Variants in TFR2 observed in about 807,000 individuals in gnomAD.
TFR2 encodes the protein transferrin receptor 2.
TFR2 carries 64 observed loss-of-function variants against 91.9 expected under a neutral mutation model. The observed-to-expected ratio is 0.70, with a 90% confidence interval of 0.57 to 0.86. TFR2 has a LOEUF of 0.86. TFR2 is among the 40% of genes least tolerant of loss of function. The pLI is 0.00. For missense variants in TFR2, 950 were observed against 1,080.5 expected (o/e 0.88, Z 1.69); for synonymous variants, 454 against 459.6 (o/e 0.99, Z 0.15).
rs1408272871 is a variant in TFR2 at position 100,626,889 on chromosome 7, G to C, written c.2010C>G (p.Thr670=). The C allele has an allele frequency of 1.3e-6, 2 of 1,543,120 alleles. No homozygotes were observed. Among genetic ancestry groups the C allele is most frequent in the South Asian group, 1.2e-5 (1 of 83,988 alleles). Residue 670 remains threonine, a synonymous_variant, in exon 17 of 18, where the codon ACC becomes ACG. Coordinates refer to ENST00000223051, the MANE Select transcript of TFR2 (RefSeq NM_003227.4). ...FSGDLKARGL[T]LQWVYSARGD... ...CCCGCGCCGAGTACACCCACTGCAG[G>C]GTCAGCCCGCGGGCCTGGGGTGGGG...
intron 10 of TFR2, 141 bp downstream of exon 10, chr7:100,629,112 G>A (rs1803354768): frequency 3.5e-6 from 4 of 1,130,512 alleles, no homozygotes; most frequent in South Asian, 2.5e-5. Context: ...CTGGCCCAGG[G>A]CCACTCAGGT....
At chr7:100,636,028 G>A (rs1803565982) in intron 3 of TFR2, among the ~76,000 whole-genome samples, 2 of 152,138 alleles carry the variant, frequency 1.3e-5, no homozygotes, top group Admixed American at 6.6e-5. Context: ...GACTGTTTTA[G>A]TCTCTATCTC....
intron 13 of TFR2, 41 bp from the exon 14 acceptor site, chr7:100,627,861 C>T: frequency 6.2e-7 from 1 of 1,614,100 alleles, no homozygotes; most frequent in South Asian, 1.1e-5. Context: ...TCTGCTCCTC[C>T]CCGCAACCTA....
At chr7:100,641,290 G>C (rs1032310005) in intron 1 of TFR2, 62 bp from the exon 2 acceptor site, 1 of 1,311,816 alleles carries the variant, frequency 7.6e-7, no homozygotes, top group Non-Finnish European at 1.0e-6. Context: ...GAGGCATCTG[G>C]CAATAATGAG....
In TFR2 at chr7:100,633,129, G is replaced by A. The variant is rs752480106; in HGVS notation, c.727-6C>T. 16 of 1,613,222 alleles carry A rather than the reference G, an allele frequency of 9.9e-6. No individual in the cohort carries two copies. Among genetic ancestry groups the A allele is most frequent in the Middle Eastern group, 3.3e-4 (2 of 6,084 alleles). ...TGGGCGTACACCAGCTCTCCCTGGG[G>A]ACACGAGGACGGTGAGGCGCGCTCC... On this transcript the variant is annotated splice_region_variant and splice_polypyrimidine_tract_variant and intron_variant, in intron 5 of 17. Coordinates refer to ENST00000223051, the MANE Select transcript of TFR2 (RefSeq NM_003227.4).
chr7:100,623,769 GC>G (rs1803176471), intron 17 of TFR2, among the ~76,000 whole-genome samples: 1 of 151,432 alleles, frequency 6.6e-6, no homozygotes, highest in Admixed American at 6.6e-5. Context: ...AAAACTCCCA[GC>G]CGGGCGCAGT....
At position 100,641,502 on chromosome 7, in the gene TFR2, C is replaced by A; in HGVS notation, c.8G>T (p.Arg3Leu). 6.2e-7 allele frequency: 1 copy of A among 1,613,836 alleles called. No homozygotes were observed. Among genetic ancestry groups the A allele is most frequent in the Non-Finnish European group, 8.5e-7 (1 of 1,179,904 alleles). ...CGCTCTCTGGAATAGACCCCAAAGC[C>A]GCTCCATGCTTGTGTCCCCTCCTGA... ME[R>L]LWGLFQRAQQ... Residue 3 changes from arginine to leucine, a missense_variant, in exon 1 of 18, where the codon CGG (arginine) becomes CTG (leucine). Transcript: ENST00000223051.
At chr7:100,626,389 C>T in intron 17 of TFR2, 12 of 915,622 alleles carry the variant, frequency 1.3e-5, no homozygotes, top group Non-Finnish European at 1.6e-5. Context: ...CAGCCTGTAA[C>T]CTCGTATTGT....
chr7:100,628,204 T>G lies in TFR2; in HGVS notation c.1473+20A>C. ...CACCTCTCCCCAATGCCTAACGACC[T>G]GCCCGGGACCCCGTATCACCTCTAG... On this transcript the variant is annotated intron_variant, in intron 11 of 17. Transcript: ENST00000223051. The G allele has an allele frequency of 8.2e-7, 1 of 1,220,554 alleles. No homozygotes were observed. Among genetic ancestry groups the G allele is most frequent in the Non-Finnish European group, 1.2e-6 (1 of 863,280 alleles). The allele number at this position is 1,220,554 out of a possible 1,614,324, so 75.6% of individuals were successfully genotyped here. A position where few individuals can be genotyped will look rare whatever the true frequency, so the allele number is the denominator to read the frequency against.
At chr7:100,631,642 G>T in intron 8 of TFR2, 164 bp downstream of exon 8, 1 of 908,110 alleles carries the variant, frequency 1.1e-6, no homozygotes, top group Non-Finnish European at 1.6e-6. Flanking sequence ...AAAAAGGTCA[G>T]GGTCTCTCTG....
intron 17 of TFR2, among the ~76,000 whole-genome samples, chr7:100,623,203 G>T (rs1190753447): frequency 6.6e-6 from 1 of 152,158 alleles, no homozygotes; most frequent in African/African-American, 2.4e-5. Context: ...AACCCGGGAG[G>T]CGGAGGTTGC....
rs763348482 is a variant in TFR2, at chr7:100,629,406, A to ACTGCACC, written c.1271-41_1271-35dup. 30 of 1,612,400 alleles carry ACTGCACC rather than the reference A, an allele frequency of 1.9e-5. No individual in the cohort carries two copies. In the African/African-American group the frequency reaches 2.9e-4, roughly 16 times the overall value. On this transcript the variant is annotated intron_variant, in intron 9 of 17. Coordinates refer to ENST00000223051, the MANE Select transcript of TFR2 (RefSeq NM_003227.4). ...GGGATGTTTGGGACCCACTTCTGAC[A>ACTGCACC]CTGCACCCTGCACCCTGGGGGCATC...
Position 100,641,109 on chromosome 7 carries a change from G to A in TFR2, c.153C>T (p.Phe51=), listed in dbSNP as rs747497732. 1 of 1,591,156 alleles carries A rather than the reference G, an allele frequency of 6.3e-7. No homozygotes were observed. The highest frequency in any genetic ancestry group is 8.6e-7 in the Non-Finnish European group (1 of 1,168,568). Residue 51 remains phenylalanine (F), a synonymous_variant, in exon 2 of 18, where the codon TTC becomes TTT. Coordinates refer to ENST00000223051, the MANE Select transcript of TFR2 (RefSeq NM_003227.4). ...CAGGGCCCCTCAGCTCCATGGGGCAGAAGTGGGCCAATGTCTCCGCCCCCT... is the reference window on the plus strand; with the variant it reads ...CAGGGCCCCTCAGCTCCATGGGGCAAAAGTGGGCCAATGTCTCCGCCCCCT... ...GEEGAETLAH[F]CPMELRGPEP... is the part of the protein sequence containing the mutation.
chr7:100,641,476 C>T lies in TFR2; in HGVS notation c.33+1G>A. ...GGTCTTCCCAATCCCACTAGTCTTA[C>T]CGCTCTCTGGAATAGACCCCAAAGC... On this transcript the variant is annotated splice_donor_variant, in intron 1 of 17. Transcript: ENST00000223051. LOFTEE classifies it high-confidence loss of function. The T allele has an allele frequency of 6.2e-7, 1 of 1,613,940 alleles. No individual in the cohort carries two copies.
At position 100,633,667 on chromosome 7, in the gene TFR2, G is replaced by T. The variant is rs1292043665; in HGVS notation, c.474-111C>A. ...GGGGCAGGGGCGGCGAGGGGTTCCT[G>T]AGTTTAGGAAAAGAGCGCTCCCCGC... On this transcript the variant is annotated intron_variant, in intron 3 of 17. Coordinates refer to ENST00000223051, the MANE Select transcript of TFR2 (RefSeq NM_003227.4). 5 of 1,095,004 alleles carry T rather than the reference G, an allele frequency of 4.6e-6. No individual in the cohort carries two copies. In the Admixed American group the frequency reaches 1.6e-4, roughly 35 times the overall value. 67.8% of individuals were successfully genotyped at this position (1,095,004 alleles called of 1,614,324 possible).
intron 3 of TFR2, among the ~76,000 whole-genome samples, chr7:100,636,300 C>T (rs979845992): frequency 2.0e-5 from 3 of 151,424 alleles, no homozygotes; most frequent in Admixed American, 6.6e-5. Context: ...CTCAGCCTCC[C>T]GAGTAGCTGG....
At chr7:100,629,102 C>T in intron 10 of TFR2, 151 bp downstream of exon 10, 1 of 1,034,386 alleles carries the variant, frequency 9.7e-7, no homozygotes, top group Admixed American at 1.7e-5. Flanking sequence ...GGTGAAGTGA[C>T]TGGCCCAGGG....
rs922766709 is a variant in TFR2 at position 100,625,265 on chromosome 7, G to T, written c.2136+1498C>A. On this transcript the variant is annotated intron_variant, in intron 17 of 17. Coordinates refer to ENST00000223051, the MANE Select transcript of TFR2 (RefSeq NM_003227.4). ...GTAGAGACGGGGTTTCTCCATGTTG[G>T]TCAGGCTGGTCTCGAACTCCTGACC... 3.3e-5 allele frequency among the ~76,000 whole-genome samples: 5 copies of T among 151,816 alleles called. No individual in the cohort carries two copies. In the South Asian group the frequency reaches 1.0e-3, roughly 31 times the overall value.
In TFR2 at chr7:100,620,765, G is replaced by T; in HGVS notation, c.*92C>A. 6.4e-7 allele frequency: 1 copy of T among 1,562,412 alleles called. No individual in the cohort carries two copies. The highest frequency in any genetic ancestry group is 1.7e-5 in the Admixed American group (1 of 58,644). ...AGAAATTGATCAGCAATGAGAGGTG[G>T]ACTCTGAGCCACCTCCCTGACCCTG... On this transcript the variant is annotated 3_prime_UTR_variant, in exon 18 of 18. Coordinates refer to ENST00000223051, the MANE Select transcript of TFR2 (RefSeq NM_003227.4).
Sources: gnomAD v4.1 joint callset for allele counts (sites outside exome capture counted in the v4.1 genomes callset) on GRCh38, gnomAD v4.1.1 for gene constraint, MANE v1.5 for transcripts, NCBI Gene and HGNC (gene_info 2026-07-23, HGNC 2026-07-21) for gene names.